RAB38: variants seen among roughly 807,000 people sequenced by gnomAD.
RAB38 encodes the protein ras-related protein Rab-38.
A neutral mutation model predicts 18.4 loss-of-function variants in RAB38; 15 were observed. The ratio of observed to expected loss-of-function variants is 0.82; its 90% confidence interval spans 0.55 to 1.26. The LOEUF (loss-of-function observed/expected upper bound fraction) is 1.26. RAB38 is among the 50% of genes most tolerant of loss of function. The pLI, the probability that RAB38 is intolerant of heterozygous loss-of-function variation, is 0.00. For synonymous variants in RAB38, 101 were observed against 104.4 expected, an observed-to-expected ratio of 0.97 and a Z score of 0.20; for missense variants, 294 against 267.4, an observed-to-expected ratio of 1.10 and a Z score of -0.69.
At chr11:88,066,614 A>AG in the RAB38 span, among the ~76,000 whole-genome samples, 3 of 152,200 alleles carry the variant, frequency 2.0e-5, no homozygotes, top group Admixed American at 6.5e-5. Context: ...GGTTAGGTGT[A>AG]GGGGCCATGC....
chr11:87,837,574 TTAAAC>T, the RAB38 span, among the ~76,000 whole-genome samples: 1 of 152,230 alleles, frequency 6.6e-6, no homozygotes, highest in Non-Finnish European at 1.5e-5. Context: ...CTGGGCAAAA[TTAAAC>T]TAATGTTTAC....
chr11:88,092,897 G>C, the RAB38 span, among the ~76,000 whole-genome samples: 45 of 151,718 alleles, frequency 3.0e-4, no homozygotes, highest in Non-Finnish European at 5.7e-4. Context: ...TTCATTCTAA[G>C]ATACATAAGA....
At chr11:88,035,317 T>C in the RAB38 span, among the ~76,000 whole-genome samples, 1 of 152,216 alleles carries the variant, frequency 6.6e-6, no homozygotes, top group Admixed American at 6.5e-5. Context: ...TACCTGCTTC[T>C]TTGAAAGTAA....
chr11:88,049,183 C>T, the RAB38 span, among the ~76,000 whole-genome samples: 3 of 152,012 alleles, frequency 2.0e-5, no homozygotes, highest in East Asian at 1.9e-4. Flanking sequence ...CCCAACACTT[C>T]GCTATTTTAT....
intron 1 of RAB38, among the ~76,000 whole-genome samples, chr11:88,157,299 C>T (rs1373731425): frequency 6.6e-6 from 1 of 152,160 alleles, no homozygotes. Context: ...ACTTAACTGT[C>T]CTGAATATAT....
the RAB38 span, among the ~76,000 whole-genome samples, chr11:87,967,615 T>G: frequency 6.6e-6 from 1 of 152,082 alleles, no homozygotes; most frequent in African/African-American, 2.4e-5. Context: ...ATGTGAGGGG[T>G]GAGGAATGCC....
At chr11:88,045,383 C>G in the RAB38 span, among the ~76,000 whole-genome samples, 4 of 152,230 alleles carry the variant, frequency 2.6e-5, no homozygotes, top group Admixed American at 2.0e-4. Flanking sequence ...CCAGCCATAT[C>G]TCCAGCACAG....
the RAB38 span, among the ~76,000 whole-genome samples, chr11:87,826,240 C>G: frequency 6.6e-6 from 1 of 152,010 alleles, no homozygotes; most frequent in African/African-American, 2.4e-5. Context: ...ATGTACATAT[C>G]TTTGTTTGAT....
In RAB38 at chr11:88,175,206, C is replaced by A. The variant is rs1315617241; in HGVS notation, c.179G>T (p.Arg60Leu). Residue 60 changes from arginine to leucine, a missense_variant, in exon 1 of 3, where the codon CGC (arginine) becomes CTC (leucine). Arg to Leu is a moderately radical substitution (Grantham distance 102). Transcript: ENST00000243662. ...VLHWDPETVV[R>L]LQLWDIAGQE... is the part of the protein sequence containing the mutation. ...ACCTGCGATATCCCAGAGCTGCAGGCGCACCACAGTCTCCGGGTCCCAGTG... is the reference window on the plus strand; with the variant it reads ...ACCTGCGATATCCCAGAGCTGCAGGAGCACCACAGTCTCCGGGTCCCAGTG... 3 of 1,612,232 alleles carry A rather than the reference C, an allele frequency of 1.9e-6. No individual in the cohort carries two copies. The Admixed American group carries it at 5.0e-5, about 27-fold the overall frequency.
chr11:87,891,658 T>C, the RAB38 span, among the ~76,000 whole-genome samples: 1 of 151,856 alleles, frequency 6.6e-6, no homozygotes, highest in Admixed American at 6.6e-5. Flanking sequence ...GTGAATAGGC[T>C]GCCCAGTAGT....
the RAB38 span, among the ~76,000 whole-genome samples, chr11:88,082,020 G>T: frequency 6.6e-6 from 1 of 151,866 alleles, no homozygotes; most frequent in African/African-American, 2.4e-5. Context: ...GATATGCTAT[G>T]ATTTCATTTA....
the RAB38 span, among the ~76,000 whole-genome samples, chr11:88,046,228 C>G: frequency 2.6e-5 from 4 of 152,188 alleles, no homozygotes; most frequent in African/African-American, 9.7e-5. Context: ...CACTGGCCTG[C>G]TACAGCATGG....
the RAB38 span, among the ~76,000 whole-genome samples, chr11:88,107,664 T>C: frequency 6.6e-3 from 1,002 of 152,240 alleles, 9 homozygotes; most frequent in African/African-American, 0.022. Context: ...CTGCTAGCTT[T>C]TGAATTTGTT....
the RAB38 span, among the ~76,000 whole-genome samples, chr11:87,858,909 T>C: frequency 2.0e-5 from 3 of 150,420 alleles, no homozygotes; most frequent in Non-Finnish European, 4.4e-5. Context: ...ATTAATAAAA[T>C]TGTGTCCACC....
At chr11:88,135,984 C>T (rs569061153) in intron 2 of RAB38, among the ~76,000 whole-genome samples, 6 of 152,242 alleles carry the variant, frequency 3.9e-5, no homozygotes, top group South Asian at 2.1e-4. Flanking sequence ...TTCTTTCCTC[C>T]GGAGCAAGCT....
the RAB38 span, among the ~76,000 whole-genome samples, chr11:88,028,375 A>C: frequency 6.6e-6 from 1 of 152,232 alleles, no homozygotes; most frequent in African/African-American, 2.4e-5. Context: ...CAAAGCTGGA[A>C]AGAGAATGAC....
chr11:88,060,608 A>G, the RAB38 span, among the ~76,000 whole-genome samples: 1,197 of 152,278 alleles, frequency 7.9e-3, 11 homozygotes, highest in African/African-American at 0.028. Context: ...TCTAACTCCA[A>G]AGCTACATTT....
At chr11:88,105,157 T>C in the RAB38 span, among the ~76,000 whole-genome samples, 3 of 152,154 alleles carry the variant, frequency 2.0e-5, no homozygotes, top group Admixed American at 6.6e-5. Flanking sequence ...TAAATTAATA[T>C]ACACCTTCCT....
chr11:87,910,794 C>G, the RAB38 span, among the ~76,000 whole-genome samples: 869 of 151,956 alleles, frequency 5.7e-3, 9 homozygotes, highest in African/African-American at 0.019. Flanking sequence ...GCATGCACCA[C>G]CACACCCAGC....
Sources: allele counts gnomAD v4.1 joint callset (sites outside exome capture counted in the v4.1 genomes callset), GRCh38; gene constraint gnomAD v4.1.1; transcripts MANE v1.5; gene names NCBI Gene and HGNC (gene_info 2026-07-23, HGNC 2026-07-21).